PKHD1: variants seen among roughly 807,000 people sequenced by gnomAD.
The protein encoded by PKHD1 is fibrocystin.
A neutral mutation model predicts 412.0 loss-of-function variants in PKHD1; 291 were observed. That is an observed-to-expected ratio of 0.71 (90% CI 0.64 to 0.78). The LOEUF (loss-of-function observed/expected upper bound fraction) is 0.78. Ranked by LOEUF, PKHD1 falls within the 30% of genes least tolerant of loss-of-function variation. PKHD1 has a pLI of 0.00. For missense variants in PKHD1, 4,825 were observed against 4,950.7 expected (o/e 0.97, Z 0.76); for synonymous variants, 1,777 against 1,821.5 (o/e 0.98, Z 0.62).
intron 63 of PKHD1, among the ~76,000 whole-genome samples, chr6:51,640,662 G>A (rs1212092580): frequency 6.6e-6 from 1 of 152,148 alleles, no homozygotes; most frequent in Non-Finnish European, 1.5e-5. Flanking sequence ...CTGCAGGATA[G>A]ATAGTTTCTA....
At chr6:51,794,080 A>G (rs1258437720) in intron 52 of PKHD1, among the ~76,000 whole-genome samples, 3 of 136,182 alleles carry the variant, frequency 2.2e-5, no homozygotes, top group Non-Finnish European at 4.6e-5. Context: ...ATGGAGTCTC[A>G]CTCTGTCGTG....
intron 36 of PKHD1, among the ~76,000 whole-genome samples, chr6:51,950,220 A>AAATATATATATATATATATATATAT: frequency 3.4e-4 from 33 of 98,292 alleles, no homozygotes; most frequent in African/African-American, 7.2e-4. Context: ...GAAAAAAAAA[A>AAATATATATATATATATATATATAT]ATATATATAT....
chr6:51,924,432 T>C (rs113297696), intron 37 of PKHD1, among the ~76,000 whole-genome samples: 16 of 152,182 alleles, frequency 1.1e-4, no homozygotes, highest in Non-Finnish European at 4.4e-5. Context: ...AGCCATGCTA[T>C]AAATTTCGGA....
chr6:51,873,391 G>A (rs916092759), intron 46 of PKHD1, among the ~76,000 whole-genome samples: 5 of 152,108 alleles, frequency 3.3e-5, no homozygotes, highest in African/African-American at 1.2e-4. Context: ...GGGTTGAATG[G>A]GGGGACAAGA....
chr6:51,685,446 C>A (rs1206583740), intron 60 of PKHD1, among the ~76,000 whole-genome samples: 1 of 152,104 alleles, frequency 6.6e-6, no homozygotes, highest in Non-Finnish European at 1.5e-5. Flanking sequence ...AATTTTCCCA[C>A]TGTTAATTTC....
At chr6:51,708,439 T>C (rs1458953350) in intron 60 of PKHD1, among the ~76,000 whole-genome samples, 1 of 152,222 alleles carries the variant, frequency 6.6e-6, no homozygotes, top group Non-Finnish European at 1.5e-5. Context: ...GAATACTCTT[T>C]TAAACATGCA....
At chr6:51,727,308 C>G (rs574463805) in intron 60 of PKHD1, among the ~76,000 whole-genome samples, 1 of 152,114 alleles carries the variant, frequency 6.6e-6, no homozygotes, top group South Asian at 2.1e-4. Context: ...TGTGTGGGTC[C>G]GCAGCAACCT....
chr6:51,993,973 A>C (rs1017268524), intron 35 of PKHD1, among the ~76,000 whole-genome samples: 2 of 152,194 alleles, frequency 1.3e-5, no homozygotes, highest in African/African-American at 4.8e-5. Context: ...AAAAAAAATA[A>C]GATTTTTATG....
chr6:51,640,602 A>C (rs1057215875), intron 63 of PKHD1, among the ~76,000 whole-genome samples: 1 of 152,138 alleles, frequency 6.6e-6, no homozygotes, highest in Non-Finnish European at 1.5e-5. Context: ...GGCTCGAGCA[A>C]CTTTGGAATT....
At chr6:51,684,506 C>G (rs976949289) in intron 60 of PKHD1, among the ~76,000 whole-genome samples, 1 of 151,946 alleles carries the variant, frequency 6.6e-6, no homozygotes, top group Non-Finnish European at 1.5e-5. Flanking sequence ...AAAATACAAG[C>G]AATCTGACAT....
intron 60 of PKHD1, chr6:51,682,333 C>T (rs1259398063): frequency 1.3e-4 from 55 of 422,808 alleles, no homozygotes; most frequent in Non-Finnish European, 7.6e-5. Flanking sequence ...TTTTCTAATA[C>T]CTGAGCATCA....
rs1229789408 is a variant in PKHD1, at chr6:52,024,959, G to A, written c.4851C>T (p.Asn1617=). ...TGCACCGGATGAGCTCAGCACCGAT[G>A]TTCACCGTCAGGCAGGTCTGCTGGT... ...YIDQQTCLTV[N]IGAELIRCIV... Residue 1617 remains asparagine, a synonymous_variant, in exon 32 of 67, where the codon AAC becomes AAT. Transcript: ENST00000371117. 1 of 1,614,230 alleles carries A rather than the reference G, an allele frequency of 6.2e-7. No individual in the cohort carries two copies. The highest frequency in any genetic ancestry group is 8.5e-7 in the Non-Finnish European group (1 of 1,180,044).
intron 37 of PKHD1, among the ~76,000 whole-genome samples, chr6:51,921,890 G>A (rs1341973975): frequency 6.6e-6 from 1 of 152,132 alleles, no homozygotes; most frequent in Non-Finnish European, 1.5e-5. Context: ...CTTTAGCTTG[G>A]AGAGGTTTGT....
intron 14 of PKHD1, among the ~76,000 whole-genome samples, chr6:52,060,410 G>A (rs1808501330): frequency 6.6e-6 from 1 of 152,128 alleles, no homozygotes; most frequent in East Asian, 1.9e-4. Context: ...TAGAAATAAA[G>A]ACAGATTGCT....
At chr6:51,960,864 G>A (rs181634032) in intron 35 of PKHD1, among the ~76,000 whole-genome samples, 10 of 152,230 alleles carry the variant, frequency 6.6e-5, no homozygotes, top group South Asian at 4.1e-4. Flanking sequence ...GATGTCATAC[G>A]TTTTTTAAAA....
chr6:51,672,844 C>T (rs1775221566), intron 60 of PKHD1, among the ~76,000 whole-genome samples: 1 of 152,124 alleles, frequency 6.6e-6, no homozygotes, highest in South Asian at 2.1e-4. Context: ...GTTGGAAAGA[C>T]CTGAATTATT....
chr6:51,939,425 T>A (rs2127795037), intron 36 of PKHD1, among the ~76,000 whole-genome samples: 1 of 151,374 alleles, frequency 6.6e-6, no homozygotes, highest in South Asian at 2.1e-4. Context: ...CACCCTCCAT[T>A]CCTCCTTCTC....
intron 45 of PKHD1, among the ~76,000 whole-genome samples, chr6:51,884,929 C>T (rs1777969769): frequency 6.6e-6 from 1 of 152,188 alleles, no homozygotes; most frequent in South Asian, 2.1e-4. Flanking sequence ...ATACTAAATA[C>T]ATTTCGGACT....
chr6:51,992,753 T>C (rs773185306), intron 35 of PKHD1, among the ~76,000 whole-genome samples: 6 of 152,344 alleles, frequency 3.9e-5, no homozygotes, highest in Middle Eastern at 3.4e-3. Flanking sequence ...GAGCAGTGCA[T>C]TGTTAACTTA....
Sources: gnomAD v4.1 joint callset for allele counts (sites outside exome capture counted in the v4.1 genomes callset) on GRCh38, gnomAD v4.1.1 for gene constraint, MANE v1.5 for transcripts, NCBI Gene and HGNC (gene_info 2026-07-23, HGNC 2026-07-21) for gene names.